The following EQTN variants were observed in gnomAD, a reference collection of about 807,000 sequenced individuals.
The protein encoded by EQTN is Acrosome formation associated factor.
In EQTN, 29 loss-of-function variants were observed where a neutral mutation model predicts 26.9. The observed-to-expected ratio is 1.08, with a 90% CI of 0.80 to 1.47. The LOEUF is 1.47. EQTN is among the 40% of genes most tolerant of loss of function. The pLI is 0.00. For synonymous variants in EQTN, 129 were observed against 120.0 expected, an observed-to-expected ratio of 1.07 and a Z score of -0.49; for missense variants, 391 against 346.1, an observed-to-expected ratio of 1.13 and a Z score of -1.03.
chr9:27,292,401 T>A lies in EQTN; in HGVS notation c.376A>T (p.Arg126Ter). Residue 126 changes from arginine (R) to a stop codon, truncating the protein, a stop_gained and splice_region_variant, in exon 4 of 8, where the codon AGA (arginine) becomes TGA (stop). Coordinates refer to ENST00000380032, the MANE Select transcript of EQTN (RefSeq NM_020641.3). LOFTEE classifies it high-confidence loss of function. The part of the protein sequence containing the change: ...TSEPSHKNIQ[R>*]STPNVPAFWT... ...GAATACAGTGTAGTAATTTAAATAC[T>A]TTGAATATTTTTATGAGAGGGTTCG... is the stretch of plus-strand genomic sequence containing the variant. 1 of 1,585,574 alleles carries A rather than the reference T, an allele frequency of 6.3e-7. No homozygotes were observed. Among genetic ancestry groups the A allele is most frequent in the Non-Finnish European group, 8.6e-7 (1 of 1,157,902 alleles).
At position 27,294,675 on chromosome 9, in the gene EQTN, A is replaced by G. The variant is rs1019570577; in HGVS notation, c.203-273T>C. On this transcript the variant is annotated intron_variant, in intron 2 of 7. Coordinates refer to ENST00000380032, the MANE Select transcript of EQTN (RefSeq NM_020641.3). The stretch of plus-strand genomic sequence containing the variant: ...TTTGTGGAAAAAAATATGTAAGCAC[A>G]TAACAGGTGCTGAAGTAGATTTGTA... Among the ~76,000 whole-genome samples the G allele has an allele frequency of 1.2e-4, 19 of 152,348 alleles. 1 individual carries two copies. In the Middle Eastern group the frequency reaches 0.014, roughly 109 times the overall value.
In EQTN at chr9:27,285,340, C is replaced by T. The variant is rs1820098750; in HGVS notation, c.636-368G>A. Among the ~76,000 whole-genome samples, 4 of 151,900 alleles carry T rather than the reference C, an allele frequency of 2.6e-5. No individual in the cohort carries two copies. In the South Asian group the frequency reaches 8.3e-4, roughly 32 times the overall value. ...TGTATTTTTAGTAGAGACGGGGTTTCACCATGTTGGCCATGATGGTCTTGA... is the reference window on the plus strand; with the variant it reads ...TGTATTTTTAGTAGAGACGGGGTTTTACCATGTTGGCCATGATGGTCTTGA... On this transcript the variant is annotated intron_variant, in intron 7 of 7. Coordinates refer to ENST00000380032, the MANE Select transcript of EQTN (RefSeq NM_020641.3).
intron 2 of EQTN, 119 bp from the exon 3 acceptor site, chr9:27,294,521 T>TATAGTCA: frequency 2.2e-6 from 1 of 459,098 alleles, no homozygotes; most frequent in East Asian, 3.4e-5. Context: ...TTAAAAAAGT[T>TATAGTCA]ATAGTCATTT....
In EQTN at chr9:27,284,689, C is replaced by A; in HGVS notation, c.*34G>T. Reference sequence around the variant, plus strand: ...AAAATAATTAAAGTTATTTATTCATCAATAAGATTTCTTCACCGGGTTCCT... The same window carrying A: ...AAAATAATTAAAGTTATTTATTCATAAATAAGATTTCTTCACCGGGTTCCT... On this transcript the variant is annotated 3_prime_UTR_variant, in exon 8 of 8. Coordinates refer to ENST00000380032, the MANE Select transcript of EQTN (RefSeq NM_020641.3). 1 of 1,589,702 alleles carries A rather than the reference C, an allele frequency of 6.3e-7. No homozygotes were observed. Among genetic ancestry groups the A allele is most frequent in the Non-Finnish European group, 8.6e-7 (1 of 1,169,258 alleles).
At chr9:27,285,133 CTTTTTTTTTTTTTT>C (rs201723057) in intron 7 of EQTN, among the ~76,000 whole-genome samples, 161 bp from the exon 8 acceptor site, 3 of 77,082 alleles carry the variant, frequency 3.9e-5, no homozygotes, top group Non-Finnish European at 6.9e-5. Flanking sequence ...TTTTCTTTTC[CTTTTTTTTTTTTTT>C]TTTTTTTTTT....
At chr9:27,293,382 G>T (rs957485569) in intron 3 of EQTN, among the ~76,000 whole-genome samples, 1 of 152,114 alleles carries the variant, frequency 6.6e-6, no homozygotes, top group Non-Finnish European at 1.5e-5. Context: ...GAGTTTTAGG[G>T]ACTATACTTA....
At chr9:27,295,939 A>T (rs1257380499) in intron 2 of EQTN, among the ~76,000 whole-genome samples, 1 of 152,100 alleles carries the variant, frequency 6.6e-6, no homozygotes, top group African/African-American at 2.4e-5. Context: ...AAATGCAGAG[A>T]TTATAAAGAA....
rs10114724 is a variant in EQTN, at chr9:27,295,938, G to A, written c.202+675C>T. 2.1e-3 allele frequency among the ~76,000 whole-genome samples: 314 copies of A among 151,250 alleles called. 1 individual carries two copies. The highest frequency in any genetic ancestry group is 6.8e-3 in the African/African-American group (280 of 41,126). ...GCTTAGGCAAGACACAAAATGCAGAGATTATAAAGAAATAAATAAACAGAA... is the reference window on the plus strand; with the variant it reads ...GCTTAGGCAAGACACAAAATGCAGAAATTATAAAGAAATAAATAAACAGAA... On this transcript the variant is annotated intron_variant, in intron 2 of 7. Coordinates refer to ENST00000380032, the MANE Select transcript of EQTN (RefSeq NM_020641.3).
intron 4 of EQTN, 34 bp from the exon 5 acceptor site, chr9:27,291,097 C>G: frequency 1.9e-6 from 3 of 1,564,148 alleles, no homozygotes; most frequent in Non-Finnish European, 2.6e-6. Context: ...ACAAGAACAA[C>G]AAGAAAACAA....
Position 27,297,003 on chromosome 9 carries a change from C to T in EQTN, c.53G>A (p.Ser18Asn). 1 of 1,611,582 alleles carries T rather than the reference C, an allele frequency of 6.2e-7. No homozygotes were observed. The highest frequency in any genetic ancestry group is 8.5e-7 in the Non-Finnish European group (1 of 1,179,028). Residue 18 changes from serine (S) to asparagine (N), a missense_variant, in exon 1 of 8, where the codon AGC (serine) becomes AAC (asparagine). Coordinates refer to ENST00000380032, the MANE Select transcript of EQTN (RefSeq NM_020641.3). The stretch of plus-strand genomic sequence containing the variant: ...ACCTTCAATAGTAGGCTTCAAAGTG[C>T]TACTTTTTAAGGAAAAAACTCCAGG... Reference protein sequence around the residue: ...FIPGVFSLKSSTLKPTIEALP... With the variant: ...FIPGVFSLKSNTLKPTIEALP...
intron 6 of EQTN, among the ~76,000 whole-genome samples, chr9:27,288,812 T>C (rs1407779093): frequency 6.6e-6 from 1 of 152,094 alleles, no homozygotes; most frequent in Admixed American, 6.5e-5. Flanking sequence ...GGCAAAACTA[T>C]AGCGATAGTA....
intron 7 of EQTN, among the ~76,000 whole-genome samples, chr9:27,285,591 G>C (rs1458143256): frequency 6.6e-6 from 1 of 152,072 alleles, no homozygotes; most frequent in African/African-American, 2.4e-5. Context: ...TTGAATGATG[G>C]GGAATAAATA....
chr9:27,295,068 T>G (rs534277249), intron 2 of EQTN, among the ~76,000 whole-genome samples: 59 of 152,308 alleles, frequency 3.9e-4, no homozygotes, highest in African/African-American at 1.3e-3. Flanking sequence ...TATTTAATAT[T>G]TACATATGTA....
At chr9:27,292,338 T>C (rs1240978004) in intron 4 of EQTN, 63 bp downstream of exon 4, 1 of 1,141,808 alleles carries the variant, frequency 8.8e-7, no homozygotes, top group Non-Finnish European at 1.3e-6. Context: ...GTAGTGAAAC[T>C]TAAATTTTTA....
chr9:27,295,662 C>T (rs1820320091), intron 2 of EQTN, among the ~76,000 whole-genome samples: 1 of 151,806 alleles, frequency 6.6e-6, no homozygotes, highest in South Asian at 2.1e-4. Context: ...TGAAACCCGT[C>T]TCTACTAAAA....
chr9:27,289,847 A>G (rs1459053722), intron 5 of EQTN, 116 bp from the exon 6 acceptor site: 2 of 663,678 alleles, frequency 3.0e-6, no homozygotes, highest in Non-Finnish European at 4.8e-6. Context: ...TGTTCTCATT[A>G]TTCGTGGCAG....
At chr9:27,290,737 G>A (rs1185305356) in intron 5 of EQTN, among the ~76,000 whole-genome samples, 2 of 152,306 alleles carry the variant, frequency 1.3e-5, no homozygotes, top group African/African-American at 2.4e-5. Context: ...ATACAAAGAT[G>A]AATGATATTG....
chr9:27,295,216 G>C (rs1408197255), intron 2 of EQTN, among the ~76,000 whole-genome samples: 1 of 152,042 alleles, frequency 6.6e-6, no homozygotes, highest in African/African-American at 2.4e-5. Flanking sequence ...ACATAAAAAC[G>C]GTACCATTAA....
At chr9:27,296,529 T>C (rs1820347618) in intron 2 of EQTN, 84 bp downstream of exon 2, 2 of 959,020 alleles carry the variant, frequency 2.1e-6, no homozygotes, top group Admixed American at 6.0e-5. Context: ...CAGGGGGAAA[T>C]GATGGAAATT....
Sources: allele counts gnomAD v4.1 joint callset (sites outside exome capture counted in the v4.1 genomes callset), GRCh38; gene constraint gnomAD v4.1.1; transcripts MANE v1.5; gene names NCBI Gene and HGNC (gene_info 2026-07-23, HGNC 2026-07-21).